Variants in KCNJ15 observed in about 807,000 individuals in gnomAD.
KCNJ15 encodes potassium inwardly rectifying channel subfamily J member 15.
In KCNJ15, 14 loss-of-function variants were observed where a neutral mutation model predicts 23.0. The observed-to-expected ratio is 0.61, with a 90% CI of 0.40 to 0.95. The LOEUF is 0.95. Ranked by LOEUF, KCNJ15 falls within the 40% of genes least tolerant of loss-of-function variation. KCNJ15 has a pLI of 0.00. For missense variants in KCNJ15, 388 were observed against 461.8 expected, an observed-to-expected ratio of 0.84 and a Z score of 1.46; for synonymous variants, 185 against 183.2, an observed-to-expected ratio of 1.01 and a Z score of -0.08.
chr21:38,300,191 G>A lies in KCNJ15; in HGVS notation c.930G>A (p.Glu310=), dbSNP rs1294294322. 9.9e-6 allele frequency: 16 copies of A among 1,614,172 alleles called. No individual in the cohort carries two copies. Among genetic ancestry groups the A allele is most frequent in the Non-Finnish European group, 1.4e-5 (16 of 1,180,028 alleles). Residue 310 remains glutamate, a synonymous_variant, in exon 3 of 3, where the codon GAG becomes GAA. Coordinates refer to ENST00000398938, the MANE Select transcript of KCNJ15 (RefSeq NM_170736.3). ...YIPEEIYWGF[E]FVPVVSLSKN... ...CAGAGGAAATCTACTGGGGTTTTGA[G>A]TTTGTGCCTGTGGTATCTCTCTCCA...
intron 1 of KCNJ15, among the ~76,000 whole-genome samples, chr21:38,296,271 A>G (rs930324016): frequency 1.7e-5 from 2 of 119,260 alleles, no homozygotes; most frequent in African/African-American, 5.8e-5. Flanking sequence ...TTGATAGATA[A>G]TAGATTGATA....
chr21:38,283,792 G>A (rs765046885), intron 1 of KCNJ15, among the ~76,000 whole-genome samples: 18 of 152,196 alleles, frequency 1.2e-4, no homozygotes, highest in East Asian at 1.9e-4. Flanking sequence ...CTGCAAACTC[G>A]TCAATGTAGA....
chr21:38,292,893 C>G lies in KCNJ15; in HGVS notation c.-116-4033C>G, dbSNP rs370948473. ...CTGAGGCAGGAGAGTCGCTTGAACC[C>G]AGGAGGCAGAGATTGCAGTGAGCCA... On this transcript the variant is annotated intron_variant, in intron 1 of 2. Coordinates refer to ENST00000398938, the MANE Select transcript of KCNJ15 (RefSeq NM_170736.3). Among the ~76,000 whole-genome samples the G allele has an allele frequency of 1.9e-3, 284 of 150,776 alleles. 16 individuals carry two copies. The South Asian group carries it at 0.057, about 30-fold the overall frequency.
At chr21:38,235,889 A>G (rs1978567444) in intron 1 of KCNJ15, among the ~76,000 whole-genome samples, 1 of 152,236 alleles carries the variant, frequency 6.6e-6, no homozygotes, top group Non-Finnish European at 1.5e-5. Context: ...ACTGACAACT[A>G]AGTGAAATAT....
At position 38,257,547 on chromosome 21, in the gene KCNJ15, T is replaced by G. The variant is rs913795529; in HGVS notation, c.-117+362T>G. ...TTGTTGATTTTCAGCGATTACATAG[T>G]TCTTTGGCTAATTCTGAAGCAGTTA... On this transcript the variant is annotated intron_variant, in intron 1 of 2. Transcript: ENST00000398938. Among the ~76,000 whole-genome samples the G allele has an allele frequency of 2.6e-5, 4 of 152,248 alleles. No homozygotes were observed. In the East Asian group the frequency reaches 7.7e-4, roughly 29 times the overall value.
chr21:38,279,991 A>G (rs559899012), intron 1 of KCNJ15, among the ~76,000 whole-genome samples: 2 of 152,312 alleles, frequency 1.3e-5, no homozygotes, highest in Admixed American at 1.3e-4. Flanking sequence ...ACCACTGGGA[A>G]TTGGCCAACT....
At chr21:38,278,160 A>G (rs1259618152) in intron 1 of KCNJ15, among the ~76,000 whole-genome samples, 3 of 152,206 alleles carry the variant, frequency 2.0e-5, no homozygotes, top group Non-Finnish European at 4.4e-5. Context: ...GCTTTCTATA[A>G]CTGGAAGATT....
chr21:38,297,616 A>C (rs1276819362), intron 2 of KCNJ15, among the ~76,000 whole-genome samples: 1 of 152,184 alleles, frequency 6.6e-6, no homozygotes, highest in Non-Finnish European at 1.5e-5. Context: ...CCAAACCTTT[A>C]TTGTGGTCAC....
At chr21:38,294,506 G>A (rs1392379527) in intron 1 of KCNJ15, among the ~76,000 whole-genome samples, 3 of 152,114 alleles carry the variant, frequency 2.0e-5, no homozygotes, top group Non-Finnish European at 4.4e-5. Flanking sequence ...TTTCTAAGGG[G>A]CCTTTGCTTT....
chr21:38,250,482 C>G (rs1979749915), intron 1 of KCNJ15, among the ~76,000 whole-genome samples: 1 of 152,128 alleles, frequency 6.6e-6, no homozygotes, highest in Admixed American at 6.5e-5. Flanking sequence ...AAGAACTAAA[C>G]TTGGAAAAGG....
intron 1 of KCNJ15, among the ~76,000 whole-genome samples, chr21:38,260,991 C>T (rs1258069152): frequency 6.6e-6 from 1 of 152,128 alleles, no homozygotes; most frequent in Non-Finnish European, 1.5e-5. Context: ...CCTGAGCCTG[C>T]CCATGTCCCT....
At chr21:38,269,150 G>T (rs981671053) in intron 1 of KCNJ15, 1 of 152,226 alleles carries the variant, frequency 6.6e-6, no homozygotes, top group East Asian at 1.9e-4. Context: ...AGTAGGGAAT[G>T]AGCATTCTCA....
chr21:38,277,740 T>C (rs750254999), intron 1 of KCNJ15, among the ~76,000 whole-genome samples: 35 of 152,196 alleles, frequency 2.3e-4, no homozygotes, highest in Non-Finnish European at 3.2e-4. Flanking sequence ...AAATGTGCAC[T>C]ATAAATCACT....
intron 1 of KCNJ15, among the ~76,000 whole-genome samples, chr21:38,258,181 A>C (rs1185530215): frequency 6.6e-6 from 1 of 152,172 alleles, no homozygotes. Flanking sequence ...CCCCAATCCT[A>C]TCTTCTTTTG....
chr21:38,246,218 T>C (rs2123567327), intron 1 of KCNJ15, among the ~76,000 whole-genome samples: 1 of 152,340 alleles, frequency 6.6e-6, no homozygotes, highest in Non-Finnish European at 1.5e-5. Flanking sequence ...GTATCTAGGC[T>C]AGGGTCTGGT....
intron 1 of KCNJ15, among the ~76,000 whole-genome samples, chr21:38,270,273 A>T (rs181592885): frequency 2.6e-5 from 4 of 152,170 alleles, no homozygotes; most frequent in African/African-American, 9.6e-5. Context: ...TGTATCCCAT[A>T]TCTCCAATCA....
Position 38,300,622 on chromosome 21 carries a change from T to C in KCNJ15, c.*233T>C, listed in dbSNP as rs151278844. 563 of 488,348 alleles carry C rather than the reference T, an allele frequency of 1.2e-3. 2 individuals are homozygous for C. Among genetic ancestry groups the C allele is most frequent in the Admixed American group, 2.5e-3 (65 of 25,838 alleles). The allele number at this position is 488,348 out of a possible 1,614,324, so 30.3% of individuals were successfully genotyped here. A position where few individuals can be genotyped will look rare whatever the true frequency, so the allele number is the denominator to read the frequency against. On this transcript the variant is annotated 3_prime_UTR_variant, in exon 3 of 3. Coordinates refer to ENST00000398938, the MANE Select transcript of KCNJ15 (RefSeq NM_170736.3). ...GTGAACTCTCATAATTCAAATTGTA[T>C]AAAATAAAGCTACATTTCTAAGAGC...
chr21:38,255,219 A>G (rs999417119), upstream of KCNJ15, among the ~76,000 whole-genome samples: 2 of 152,202 alleles, frequency 1.3e-5, no homozygotes, highest in Non-Finnish European at 2.9e-5. Flanking sequence ...GGACCTGAAC[A>G]ATGAGTCAGC....
chr21:38,278,146 C>T (rs1007663308), intron 1 of KCNJ15, among the ~76,000 whole-genome samples: 2 of 80,734 alleles, frequency 2.5e-5, no homozygotes, highest in Non-Finnish European at 6.4e-5. Flanking sequence ...TGAGACCCAG[C>T]GGTGCTTTCT....
Sources: gnomAD v4.1 joint callset for allele counts (sites outside exome capture counted in the v4.1 genomes callset) on GRCh38, gnomAD v4.1.1 for gene constraint, MANE v1.5 for transcripts, NCBI Gene and HGNC (gene_info 2026-07-23, HGNC 2026-07-21) for gene names.